NRG3: variants seen among roughly 807,000 people sequenced by gnomAD.
NRG3 encodes the protein neuregulin 3.
A neutral mutation model predicts 66.9 loss-of-function variants in NRG3; 31 were observed. The ratio of observed to expected loss-of-function variants is 0.46; its 90% CI spans 0.35 to 0.63. The LOEUF (loss-of-function observed/expected upper bound fraction) is 0.63. NRG3 is among the 20% of genes least tolerant of loss of function. The pLI is 0.00. For synonymous variants in NRG3, 393 were observed against 359.4 expected, an observed-to-expected ratio of 1.09 and a Z score of -1.06; for missense variants, 910 against 878.9, an observed-to-expected ratio of 1.04 and a Z score of -0.45.
At chr10:82,647,667 T>A (rs2051052290) in intron 2 of NRG3, among the ~76,000 whole-genome samples, 1 of 150,152 alleles carries the variant, frequency 6.7e-6, no homozygotes, top group Non-Finnish European at 1.5e-5. Context: ...CCAGCACCTG[T>A]TGTTTCCTGA....
At chr10:81,903,978 A>G (rs1485714574) in intron 1 of NRG3, among the ~76,000 whole-genome samples, 2 of 96,238 alleles carry the variant, frequency 2.1e-5, no homozygotes, top group African/African-American at 4.8e-5. Flanking sequence ...GAGTGTGTAT[A>G]TATATATATA....
chr10:81,912,839 G>C (rs1229875196), intron 1 of NRG3, among the ~76,000 whole-genome samples: 1 of 152,198 alleles, frequency 6.6e-6, no homozygotes, highest in Non-Finnish European at 1.5e-5. Context: ...AGACAAGATA[G>C]AAGGTGGGCA....
At chr10:82,639,457 A>G (rs2050419863) in intron 2 of NRG3, among the ~76,000 whole-genome samples, 1 of 152,224 alleles carries the variant, frequency 6.6e-6, no homozygotes, top group Non-Finnish European at 1.5e-5. Context: ...AGACCATAGC[A>G]GCTATTTACC....
intron 1 of NRG3, among the ~76,000 whole-genome samples, chr10:82,113,611 T>C (rs2067522262): frequency 6.6e-6 from 1 of 152,160 alleles, no homozygotes; most frequent in African/African-American, 2.4e-5. Context: ...ATACATTGGA[T>C]TGGACCCTGG....
At chr10:82,028,382 C>T (rs776910361) in intron 1 of NRG3, among the ~76,000 whole-genome samples, 31 of 152,038 alleles carry the variant, frequency 2.0e-4, no homozygotes, top group Non-Finnish European at 3.4e-4. Flanking sequence ...TCGTTTGTTG[C>T]CTTCTGCTCT....
At chr10:81,981,468 C>T (rs907847359) in intron 1 of NRG3, among the ~76,000 whole-genome samples, 11 of 152,218 alleles carry the variant, frequency 7.2e-5, no homozygotes, top group African/African-American at 2.7e-4. Context: ...GGTGGTGGCT[C>T]TGCTTTGTGG....
intron 3 of NRG3, among the ~76,000 whole-genome samples, chr10:82,807,519 G>T (rs1014863779): frequency 6.6e-6 from 1 of 152,110 alleles, no homozygotes; most frequent in African/African-American, 2.4e-5. Flanking sequence ...TCAGAGTTAG[G>T]ATGTGAACAC....
At chr10:82,517,398 A>T (rs1845760848) in intron 2 of NRG3, among the ~76,000 whole-genome samples, 1 of 152,122 alleles carries the variant, frequency 6.6e-6, no homozygotes, top group Admixed American at 6.5e-5. Flanking sequence ...TATTCGTTTG[A>T]TTTACTGAAT....
chr10:82,003,729 T>G (rs1728231262), intron 1 of NRG3, among the ~76,000 whole-genome samples: 1 of 152,034 alleles, frequency 6.6e-6, no homozygotes, highest in Admixed American at 6.6e-5. Context: ...GAAGCCAAAG[T>G]GGGAGTGATC....
intron 8 of NRG3, among the ~76,000 whole-genome samples, chr10:82,984,019 A>C (rs894148154): frequency 6.6e-6 from 1 of 152,246 alleles, no homozygotes; most frequent in Non-Finnish European, 1.5e-5. Flanking sequence ...ATGTATAAAC[A>C]TGATTTTCAT....
chr10:81,957,725 C>G lies in NRG3; in HGVS notation c.823+81562C>G, dbSNP rs183295519. ...GGAATGAAGAGTTGGGAATTAGGGT[C>G]TTTGGAAATTAAGTTAGCACCACTT... On this transcript the variant is annotated intron_variant, in intron 1 of 8. Transcript: ENST00000372141. Among the ~76,000 whole-genome samples the G allele has an allele frequency of 7.2e-5, 11 of 152,236 alleles. No individual in the cohort carries two copies. The East Asian group carries it at 1.9e-3, about 27-fold the overall frequency.
At chr10:82,258,594 C>T (rs2077859524) in intron 1 of NRG3, among the ~76,000 whole-genome samples, 1 of 152,188 alleles carries the variant, frequency 6.6e-6, no homozygotes, top group Non-Finnish European at 1.5e-5. Flanking sequence ...GATATTAATT[C>T]AGTGCTTTGC....
intron 1 of NRG3, among the ~76,000 whole-genome samples, chr10:82,286,245 G>A (rs538804327): frequency 1.3e-5 from 2 of 152,210 alleles, no homozygotes; most frequent in South Asian, 2.1e-4. Flanking sequence ...CTGAGTTTGG[G>A]GTAAGTTTTA....
intron 1 of NRG3, among the ~76,000 whole-genome samples, chr10:82,290,802 T>TA (rs994380751): frequency 2.7e-5 from 4 of 147,488 alleles, no homozygotes; most frequent in Non-Finnish European, 6.0e-5. Flanking sequence ...CCTGGCTAAT[T>TA]TTTTTTTTTT....
chr10:82,557,951 G>A (rs920580425), intron 2 of NRG3, among the ~76,000 whole-genome samples: 2 of 152,080 alleles, frequency 1.3e-5, no homozygotes, highest in South Asian at 2.1e-4. Flanking sequence ...CACAACACTC[G>A]CTACATTACA....
intron 1 of NRG3, among the ~76,000 whole-genome samples, chr10:81,996,377 G>T (rs1166847521): frequency 6.6e-6 from 1 of 152,058 alleles, no homozygotes; most frequent in Non-Finnish European, 1.5e-5. Context: ...TAATCAAATG[G>T]CTTATGGAGC....
chr10:82,138,458 C>T lies in NRG3; in HGVS notation c.824-220281C>T, dbSNP rs1308992378. Among the ~76,000 whole-genome samples, 4 of 152,238 alleles carry T rather than the reference C, an allele frequency of 2.6e-5. No homozygotes were observed. In the East Asian group the frequency reaches 7.7e-4, roughly 29 times the overall value. On this transcript the variant is annotated intron_variant, in intron 1 of 8. Coordinates refer to ENST00000372141, the MANE Select transcript of NRG3 (RefSeq NM_001010848.4). ...TGGTACTATCTTCTTGGCTTCTAAT[C>T]ATCCTCTTTATAGAGTGATACTACT... is the stretch of plus-strand genomic sequence containing the variant.
chr10:82,035,310 C>A (rs997154402), intron 1 of NRG3, among the ~76,000 whole-genome samples: 1 of 152,088 alleles, frequency 6.6e-6, no homozygotes, highest in African/African-American at 2.4e-5. Flanking sequence ...TTTTAACTCC[C>A]TGTGGTCTGA....
intron 1 of NRG3, among the ~76,000 whole-genome samples, chr10:82,159,622 A>G (rs2071428337): frequency 6.6e-6 from 1 of 151,852 alleles, no homozygotes; most frequent in African/African-American, 2.4e-5. Context: ...TTCTCTTATT[A>G]AGTAGAGAGA....
Sources: gnomAD v4.1 joint callset for allele counts (sites outside exome capture counted in the v4.1 genomes callset) on GRCh38, gnomAD v4.1.1 for gene constraint, MANE v1.5 for transcripts, NCBI Gene and HGNC (gene_info 2026-07-23, HGNC 2026-07-21) for gene names.